The following ZFR2 variants were observed in gnomAD, a reference collection of about 807,000 sequenced individuals.
ZFR2 encodes the protein zinc finger RNA-binding protein 2.
In ZFR2, 104 loss-of-function variants were observed where a neutral mutation model predicts 105.7. That is an observed-to-expected ratio of 0.98 (90% CI 0.84 to 1.16). ZFR2 has a LOEUF of 1.16. ZFR2 is among the 50% of genes most tolerant of loss of function. The pLI is 0.00. For synonymous variants in ZFR2, 634 were observed against 597.7 expected, an observed-to-expected ratio of 1.06 and a Z score of -0.89; for missense variants, 1,425 against 1,355.5, an observed-to-expected ratio of 1.05 and a Z score of -0.80.
intron 3 of ZFR2, among the ~76,000 whole-genome samples, chr19:3,833,361 G>A (rs1408191893): frequency 6.6e-6 from 1 of 152,042 alleles, no homozygotes; most frequent in Non-Finnish European, 1.5e-5. Context: ...CGGATCACGA[G>A]GTCAGGAGAT....
At chr19:3,808,849 G>A (rs539166658) in intron 17 of ZFR2, 23 bp downstream of exon 17, 24 of 1,528,836 alleles carry the variant, frequency 1.6e-5, no homozygotes, top group South Asian at 2.4e-5. Flanking sequence ...CCACCTCCTG[G>A]GCCCTCCGGC....
chr19:3,841,170 G>A (rs1859357), intron 1 of ZFR2, among the ~76,000 whole-genome samples: 4,084 of 152,320 alleles, frequency 0.027, 106 homozygotes, highest in South Asian at 0.065. Flanking sequence ...GCTACAGAGA[G>A]AGCTCCAACG....
At chr19:3,850,382 C>A (rs1278884148) in intron 1 of ZFR2, among the ~76,000 whole-genome samples, 1 of 151,974 alleles carries the variant, frequency 6.6e-6, no homozygotes, top group Non-Finnish European at 1.5e-5. Context: ...CCAGGTAGAA[C>A]CTGGGATTTA....
chr19:3,818,879 G>C (rs1327802504), intron 12 of ZFR2, among the ~76,000 whole-genome samples, 166 bp downstream of exon 12: 1 of 152,268 alleles, frequency 6.6e-6, no homozygotes, highest in East Asian at 1.9e-4. Flanking sequence ...AGAAGCTCCA[G>C]CTCTGAGACC....
chr19:3,861,277 A>AT (rs1226166603), intron 1 of ZFR2, among the ~76,000 whole-genome samples: 17 of 152,252 alleles, frequency 1.1e-4, no homozygotes, highest in Non-Finnish European at 2.5e-4. Context: ...AAGAAGTGTC[A>AT]TTCCCCCAAA....
intron 17 of ZFR2, among the ~76,000 whole-genome samples, chr19:3,808,206 CGT>C (rs570682358): frequency 3.8e-4 from 54 of 141,556 alleles, no homozygotes; most frequent in Middle Eastern, 4.4e-3. Flanking sequence ...TGTGTATGTG[CGT>C]GTGTGCCCGT....
chr19:3,837,133 G>A (rs1278851601), intron 1 of ZFR2, among the ~76,000 whole-genome samples: 1 of 152,168 alleles, frequency 6.6e-6, no homozygotes, highest in African/African-American at 2.4e-5. Context: ...CCTCATGAAA[G>A]TTACAGCTTT....
At position 3,813,258 on chromosome 19, in the gene ZFR2, C is replaced by T. The variant is rs185489762; in HGVS notation, c.2242+562G>A. 1.2e-3 allele frequency among the ~76,000 whole-genome samples: 188 copies of T among 152,356 alleles called. No individual in the cohort carries two copies. The highest frequency in any genetic ancestry group is 4.2e-3 in the Admixed American group (64 of 15,304). On this transcript the variant is annotated intron_variant, in intron 14 of 18. Transcript: ENST00000262961. This position sits in a 1 kb window ranked among gnomAD's most constrained non-coding sequence, Gnocchi z 4.4. Reference sequence around the variant, plus strand: ...CTGGCTGAGACTTCGGGAGCACAGACGTGCAGTGTGTTACTGATGCCTGTC... The same window carrying T: ...CTGGCTGAGACTTCGGGAGCACAGATGTGCAGTGTGTTACTGATGCCTGTC...
rs1188089261 is a variant in ZFR2, at chr19:3,823,480, G to A, written c.1214-77C>T. The A allele has an allele frequency of 4.1e-6, 6 of 1,462,170 alleles. No homozygotes were observed. In the Admixed American group the frequency reaches 6.6e-5, roughly 16 times the overall value. 90.6% of individuals were successfully genotyped at this position (1,462,170 alleles called of 1,614,324 possible). On this transcript the variant is annotated intron_variant, in intron 7 of 18. Coordinates refer to ENST00000262961, the MANE Select transcript of ZFR2 (RefSeq NM_015174.2). The surrounding 1 kb of genome is among the most constrained non-coding windows in gnomAD (Gnocchi z 5.4). The stretch of plus-strand genomic sequence containing the variant: ...AGCTGCAGACCCGCCAGGCGGCATG[G>A]GGTGGAGAGCCACCCAGACTGCAGG...
At chr19:3,862,864 C>T (rs975515486) in intron 1 of ZFR2, among the ~76,000 whole-genome samples, 4 of 152,190 alleles carry the variant, frequency 2.6e-5, no homozygotes, top group African/African-American at 9.6e-5. Flanking sequence ...GGGCAAGTTC[C>T]CCCCTCGCTC....
rs200060899 is a variant in ZFR2, at chr19:3,824,505, CTCTGAT to C, written c.1213+719_1213+724del. ...CCTTCATTTCCTGGTACCCATATAA[CTCTGAT>C]TCTGAGCCCAATTTGTTCACCGTGA... On this transcript the variant is annotated intron_variant, in intron 7 of 18. Transcript: ENST00000262961. Among the ~76,000 whole-genome samples, 976 of 152,234 alleles carry C rather than the reference CTCTGAT, an allele frequency of 6.4e-3. 5 individuals are homozygous for C. Among genetic ancestry groups the C allele is most frequent in the Non-Finnish European group, 0.01 (688 of 68,006 alleles).
chr19:3,851,084 T>C (rs1230537451), intron 1 of ZFR2, among the ~76,000 whole-genome samples: 1 of 151,894 alleles, frequency 6.6e-6, no homozygotes, highest in Non-Finnish European at 1.5e-5. Flanking sequence ...AAATACATTT[T>C]GTTTAAGCCT....
At chr19:3,820,418 A>G in intron 10 of ZFR2, 128 bp from the exon 11 acceptor site, 1 of 864,330 alleles carries the variant, frequency 1.2e-6, no homozygotes. Context: ...CTGGGGCTCC[A>G]CTGCACTGCA....
chr19:3,827,609 C>A lies in ZFR2; in HGVS notation c.897G>T (p.Glu299Asp). The A allele has an allele frequency of 6.3e-7, 1 of 1,582,436 alleles. No individual in the cohort carries two copies. Among genetic ancestry groups the A allele is most frequent in the East Asian group, 2.3e-5 (1 of 42,964 alleles). ...HLGGQKHRKKEAAQKTGVQPN... is the reference protein window; with the variant it reads ...HLGGQKHRKKDAAQKTGVQPN... Reference sequence around the variant, plus strand: ...GCTGCACGCCTGTCTTCTGGGCCGCCTCCTTCTTTCTGTGCTTCTGCCCTC... The same window carrying A: ...GCTGCACGCCTGTCTTCTGGGCCGCATCCTTCTTTCTGTGCTTCTGCCCTC... Residue 299 changes from glutamate to aspartate, a missense_variant, in exon 6 of 19, where the codon GAG becomes GAT. Coordinates refer to ENST00000262961, the MANE Select transcript of ZFR2 (RefSeq NM_015174.2).
intron 18 of ZFR2, 99 bp downstream of exon 18, chr19:3,807,073 G>C (rs2037704455): frequency 8.0e-6 from 7 of 873,544 alleles, no homozygotes; most frequent in South Asian, 5.0e-5. Context: ...CAGTGGGAGG[G>C]AGAGAAGGGG....
intron 1 of ZFR2, among the ~76,000 whole-genome samples, chr19:3,854,370 G>C (rs923450894): frequency 1.3e-5 from 2 of 149,188 alleles, no homozygotes; most frequent in African/African-American, 5.0e-5. Context: ...TCCAGGCTGG[G>C]TGACAGAGCG....
At chr19:3,846,182 G>A (rs2038182927) in intron 1 of ZFR2, among the ~76,000 whole-genome samples, 1 of 152,198 alleles carries the variant, frequency 6.6e-6, no homozygotes, top group Non-Finnish European at 1.5e-5. Context: ...TCACCATGTT[G>A]GCCAGGCTGT....
chr19:3,865,878 G>A (rs1170883128), intron 1 of ZFR2, among the ~76,000 whole-genome samples: 5 of 151,978 alleles, frequency 3.3e-5, no homozygotes, highest in African/African-American at 4.8e-5. Flanking sequence ...TCACCCTGTC[G>A]CCCAGGCTGG....
intron 1 of ZFR2, among the ~76,000 whole-genome samples, chr19:3,842,845 G>C (rs773667321): frequency 6.6e-6 from 1 of 151,916 alleles, no homozygotes; most frequent in African/African-American, 2.4e-5. Flanking sequence ...CGCTGGTCTC[G>C]AACTCCTGAC....
Sources: allele counts gnomAD v4.1 joint callset (sites outside exome capture counted in the v4.1 genomes callset), GRCh38; gene constraint gnomAD v4.1.1; non-coding constraint Gnocchi (gnomAD v3.1); transcripts MANE v1.5; gene names NCBI Gene and HGNC (gene_info 2026-07-23, HGNC 2026-07-21).